ALG10B: variants seen among roughly 807,000 people sequenced by gnomAD.
ALG10B encodes dol-P-Glc:Glc(2)Man(9)GlcNAc(2)-PP-Dol alpha-1,2-glucosyltransferase B.
Under a neutral mutation model 38.7 loss-of-function variants are expected in ALG10B, and 27 were observed. That is an observed-to-expected ratio of 0.70 (90% CI 0.51 to 0.96). The LOEUF (loss-of-function observed/expected upper bound fraction) is 0.96. ALG10B is among the 40% of genes least tolerant of loss of function. ALG10B has a pLI of 0.00. For synonymous variants in ALG10B, 177 were observed against 193.3 expected (o/e 0.92, Z 0.70); for missense variants, 522 against 542.7 (o/e 0.96, Z 0.38).
At position 38,320,890 on chromosome 12, in the gene ALG10B, G is replaced by A; in HGVS notation, c.1099G>A (p.Ala367Thr). 1 of 1,613,690 alleles carries A rather than the reference G, an allele frequency of 6.2e-7. No homozygotes were observed. Among genetic ancestry groups the A allele is most frequent in the African/African-American group, 1.3e-5 (1 of 74,988 alleles). Residue 367 changes from alanine to threonine, a missense_variant, in exon 3 of 3, where the codon GCA becomes ACA. Transcript: ENST00000308742. The stretch of plus-strand genomic sequence containing the variant: ...GTGGAAAAGAGTTTTTCAAAGATAT[G>A]CAATTCTGAAATATTTGTTAGTTCC... ...YVWKRVFQRY[A>T]ILKYLLVPAY... is the part of the protein sequence containing the mutation.
rs776686327 is a variant in ALG10B at position 38,316,998 on chromosome 12, C to T, written c.105C>T (p.Tyr35=). ...SAFSRALREP[Y]MDEIFHLPQA... is the part of the protein sequence containing the mutation. ...TCAGCCGGGCGCTGCGAGAGCCCTA[C>T]ATGGACGAGATCTTCCACCTGCCTC... Residue 35 remains tyrosine, a synonymous_variant, in exon 1 of 3, where the codon TAC becomes TAT. Coordinates refer to ENST00000308742, the MANE Select transcript of ALG10B (RefSeq NM_001013620.4). 1.2e-6 allele frequency: 2 copies of T among 1,614,166 alleles called. No homozygotes were observed. The highest frequency in any genetic ancestry group is 1.7e-5 in the Admixed American group (1 of 60,028).
Position 38,327,873 on chromosome 12 carries a change from A to G in ALG10B, c.*6660A>G, listed in dbSNP as rs1338446570. 6 of 152,346 alleles carry G rather than the reference A, an allele frequency of 3.9e-5. No individual in the cohort carries two copies. The highest frequency in any genetic ancestry group is 1.2e-4 in the African/African-American group (5 of 41,578). The allele number at this position is 152,346 out of a possible 1,614,324, so 9.4% of individuals were successfully genotyped here. On this transcript the variant is annotated 3_prime_UTR_variant, in exon 3 of 3. Coordinates refer to ENST00000308742, the MANE Select transcript of ALG10B (RefSeq NM_001013620.4). ...ATTATGTGGGATATTTAATTTGGAT[A>G]AGTGGAAATTCTATCACTTGATAAG...
At chr12:38,318,971 G>A (rs1945679505) in intron 2 of ALG10B, among the ~76,000 whole-genome samples, 1 of 152,140 alleles carries the variant, frequency 6.6e-6, no homozygotes, top group Non-Finnish European at 1.5e-5. Flanking sequence ...AATAGAATCT[G>A]CCTTATAGAA....
rs773478474 is a variant in ALG10B at position 38,321,117 on chromosome 12, T to C, written c.1326T>C (p.Ser442=). 6.2e-6 allele frequency: 10 copies of C among 1,613,782 alleles called. No homozygotes were observed. The highest frequency in any genetic ancestry group is 2.2e-5 in the East Asian group (1 of 44,842). ...CATCCAGACTTGTTTGTGAACTGAGTTGCTATGCAATTGTTAATTTCATAA... is the reference window on the plus strand; with the variant it reads ...CATCCAGACTTGTTTGTGAACTGAGCTGCTATGCAATTGTTAATTTCATAA... ...PPTSRLVCEL[S]CYAIVNFITF... is the part of the protein sequence containing the mutation. The change falls in exon 3 of 3, where the codon AGT becomes AGC. Residue 442 remains serine, a synonymous_variant. Coordinates refer to ENST00000308742, the MANE Select transcript of ALG10B (RefSeq NM_001013620.4).
At position 38,317,414 on chromosome 12, in the gene ALG10B, C is replaced by A. The variant is rs183779790; in HGVS notation, c.171+350C>A. 82 of 312,222 alleles carry A rather than the reference C, an allele frequency of 2.6e-4. 1 individual carries two copies. The highest frequency in any genetic ancestry group is 1.6e-3 in the African/African-American group (77 of 46,902). 19.3% of individuals were successfully genotyped at this position (312,222 alleles called of 1,614,324 possible). On this transcript the variant is annotated intron_variant, in intron 1 of 2. Transcript: ENST00000308742. ...TCCTTGGAAATATCAGAAAACTTCCCTTTAGCTCACCTGTTAAGCACCTCA... is the reference window on the plus strand; with the variant it reads ...TCCTTGGAAATATCAGAAAACTTCCATTTAGCTCACCTGTTAAGCACCTCA...
Position 38,323,900 on chromosome 12 carries a change from A to T in ALG10B, c.*2687A>T. 1 of 701,952 alleles carries T rather than the reference A, an allele frequency of 1.4e-6. No individual in the cohort carries two copies. The highest frequency in any genetic ancestry group is 2.6e-6 in the Non-Finnish European group (1 of 384,734). 43.5% of individuals were successfully genotyped at this position (701,952 alleles called of 1,614,324 possible). ...TTTGTCTGATAATATTAATGCAAGG[A>T]TTTTGTATTTAGGAATACTTCTGAG... On this transcript the variant is annotated 3_prime_UTR_variant, in exon 3 of 3. Transcript: ENST00000308742.
chr12:38,318,141 C>T, intron 1 of ALG10B, 120 bp from the exon 2 acceptor site: 1 of 1,315,094 alleles, frequency 7.6e-7, no homozygotes, highest in Non-Finnish European at 1.1e-6. Flanking sequence ...TTAATCTTGT[C>T]ATAGACTAAC....
Position 38,316,786 on chromosome 12 carries a change from G to C in ALG10B, c.-108G>C. On this transcript the variant is annotated 5_prime_UTR_variant, in exon 1 of 3. Transcript: ENST00000308742. ...TGCCTTCCGGTATGTGGCCCCGTCT[G>C]GCTAGTCCTGTCTAGCGCGCCCATT... The C allele has an allele frequency of 6.3e-7, 1 of 1,580,760 alleles. No individual in the cohort carries two copies. The highest frequency in any genetic ancestry group is 8.7e-7 in the Non-Finnish European group (1 of 1,152,410).
Position 38,320,235 on chromosome 12 carries a change from C to A in ALG10B, c.444C>A (p.Phe148Leu). The change falls in exon 3 of 3, where the codon TTC (phenylalanine) becomes TTA (leucine). Residue 148 changes from phenylalanine (F) to leucine (L), a missense_variant. By Grantham distance (22) the Phe-to-Leu change is conservative (BLOSUM62 0). Transcript: ENST00000308742. ...TTCCAACACTTTATTTTTTTAACTT[C>A]CTTTATTATACAGAAGCAGGATCTA... ...AVFPTLYFFNFLYYTEAGSMF... is the reference protein window; with the variant it reads ...AVFPTLYFFNLLYYTEAGSMF... 6.2e-7 allele frequency: 1 copy of A among 1,613,886 alleles called. No individual in the cohort carries two copies. The highest frequency in any genetic ancestry group is 8.5e-7 in the Non-Finnish European group (1 of 1,179,894).
In ALG10B at chr12:38,321,525, C is replaced by T. The variant is rs1039263961; in HGVS notation, c.*312C>T. 6.2e-5 allele frequency: 12 copies of T among 192,782 alleles called. No homozygotes were observed. The highest frequency in any genetic ancestry group is 1.2e-4 in the Non-Finnish European group (11 of 94,184). The allele number at this position is 192,782 out of a possible 1,614,324, so 11.9% of individuals were successfully genotyped here. On this transcript the variant is annotated 3_prime_UTR_variant, in exon 3 of 3. Coordinates refer to ENST00000308742, the MANE Select transcript of ALG10B (RefSeq NM_001013620.4). ...TTTTGTATGTATAAGTTTATTAAAACTGGGTATGCTTCATATTACTAGAAC... is the reference window on the plus strand; with the variant it reads ...TTTTGTATGTATAAGTTTATTAAAATTGGGTATGCTTCATATTACTAGAAC...
Position 38,318,411 on chromosome 12 carries a change from T to C in ALG10B, c.322T>C (p.Phe108Leu). Residue 108 changes from phenylalanine to leucine, a missense_variant, in exon 2 of 3, where the codon TTC (phenylalanine) becomes CTC (leucine). By Grantham distance (22) the Phe-to-Leu change is conservative. Coordinates refer to ENST00000308742, the MANE Select transcript of ALG10B (RefSeq NM_001013620.4). ...FVNLLFSVGN[F>L]YLLYLLFHKV... is the part of the protein sequence containing the mutation. ...TAATCTTCTCTTCAGTGTTGGCAAC[T>C]TCTATTTACTATATTTGCTTTTCCA... 6.2e-7 allele frequency: 1 copy of C among 1,614,164 alleles called. No homozygotes were observed. The highest frequency in any genetic ancestry group is 2.2e-5 in the East Asian group (1 of 44,874).
rs770964487 is a variant in ALG10B at position 38,320,593 on chromosome 12, G to A, written c.802G>A (p.Val268Ile). 2.0e-5 allele frequency: 32 copies of A among 1,613,960 alleles called. No individual in the cohort carries two copies. The highest frequency in any genetic ancestry group is 2.6e-5 in the Non-Finnish European group (31 of 1,179,992). The change falls in exon 3 of 3, where the codon GTA (valine) becomes ATA (isoleucine). Residue 268 changes from valine to isoleucine, a missense_variant. Val to Ile is a conservative substitution (Grantham distance 29). Coordinates refer to ENST00000308742, the MANE Select transcript of ALG10B (RefSeq NM_001013620.4). ...ILLGFLFCAF[V>I]VVNGGIVIGD... ...TCTGGGATTTCTGTTTTGTGCTTTT[G>A]TAGTAGTTAATGGTGGAATTGTTAT...
At position 38,324,223 on chromosome 12, in the gene ALG10B, G is replaced by T; in HGVS notation, c.*3010G>T. ...AATTTTTTCTATTTTTAGTAGAGCC[G>T]GGGTTTCACCGTGTTAGCCAGGCTG... is the stretch of plus-strand genomic sequence containing the variant. On this transcript the variant is annotated 3_prime_UTR_variant, in exon 3 of 3. Transcript: ENST00000308742. The T allele has an allele frequency of 3.1e-6, 1 of 317,464 alleles. No homozygotes were observed. The highest frequency in any genetic ancestry group is 5.8e-6 in the Non-Finnish European group (1 of 171,614). 19.7% of individuals were successfully genotyped at this position (317,464 alleles called of 1,614,324 possible).
chr12:38,318,395 C>T lies in ALG10B; in HGVS notation c.306C>T (p.Leu102=), dbSNP rs773865389. 1 of 1,614,150 alleles carries T rather than the reference C, an allele frequency of 6.2e-7. No homozygotes were observed. The highest frequency in any genetic ancestry group is 1.7e-5 in the Admixed American group (1 of 60,024). Residue 102 remains leucine (L), a synonymous_variant, in exon 2 of 3, where the codon CTC becomes CTT. Transcript: ENST00000308742. ...GGATGCTCAGATTTGTTAATCTTCT[C>T]TTCAGTGTTGGCAACTTCTATTTAC... The part of the protein sequence containing the change: ...SIGMLRFVNL[L]FSVGNFYLLY...
chr12:38,326,371 T>C lies in ALG10B; in HGVS notation c.*5158T>C, dbSNP rs940379099. 15 of 151,902 alleles carry C rather than the reference T, an allele frequency of 9.9e-5. No individual in the cohort carries two copies. Among genetic ancestry groups the C allele is most frequent in the African/African-American group, 3.1e-4 (13 of 41,386 alleles). The allele number at this position is 151,902 out of a possible 1,614,324, so 9.4% of individuals were successfully genotyped here. On this transcript the variant is annotated 3_prime_UTR_variant, in exon 3 of 3. Transcript: ENST00000308742. ...TTTACTTGTAAACATGTTGTTTCTTTGATAGGATATGATTTCAACATAATT... is the reference window on the plus strand; with the variant it reads ...TTTACTTGTAAACATGTTGTTTCTTCGATAGGATATGATTTCAACATAATT...
In ALG10B at chr12:38,318,257, A is replaced by T. The variant is rs368182821; in HGVS notation, c.172-4A>T. 5 of 1,609,200 alleles carry T rather than the reference A, an allele frequency of 3.1e-6. No homozygotes were observed. Among genetic ancestry groups the T allele is most frequent in the Middle Eastern group, 1.7e-4 (1 of 6,056 alleles). ...CTTTTACTTCATTTTCTTTCATTTT[A>T]AAGTGGGATCCCATGATTACTACAT... is the stretch of plus-strand genomic sequence containing the variant. On this transcript the variant is annotated splice_region_variant and splice_polypyrimidine_tract_variant and intron_variant, in intron 1 of 2. Coordinates refer to ENST00000308742, the MANE Select transcript of ALG10B (RefSeq NM_001013620.4).
Position 38,324,696 on chromosome 12 carries a change from C to T in ALG10B, c.*3483C>T, listed in dbSNP as rs1380044056. 1 of 152,134 alleles carries T rather than the reference C, an allele frequency of 6.6e-6. No individual in the cohort carries two copies. The highest frequency in any genetic ancestry group is 1.5e-5 in the Non-Finnish European group (1 of 68,020). 9.4% of individuals were successfully genotyped at this position (152,134 alleles called of 1,614,324 possible). ...GCCTTTAGTCGTTCAAGAAATGATA[C>T]TAAACTCAAAGTCATTCACTTGAAA... is the stretch of plus-strand genomic sequence containing the variant. On this transcript the variant is annotated 3_prime_UTR_variant, in exon 3 of 3. Coordinates refer to ENST00000308742, the MANE Select transcript of ALG10B (RefSeq NM_001013620.4).
rs1383592986 is a variant in ALG10B, at chr12:38,324,026, C to A, written c.*2813C>A. 7 of 679,626 alleles carry A rather than the reference C, an allele frequency of 1.0e-5. No individual in the cohort carries two copies. Among genetic ancestry groups the A allele is most frequent in the African/African-American group, 7.2e-5 (4 of 55,640 alleles). The allele number at this position is 679,626 out of a possible 1,614,324, so 42.1% of individuals were successfully genotyped here. A position where few individuals can be genotyped will look rare whatever the true frequency, so the allele number is the denominator to read the frequency against. ...CTTTGGAGGGATCACTGTTCTATAT[C>A]TTTTTTTGTTTGTTTTTGTCTTTGA... On this transcript the variant is annotated 3_prime_UTR_variant, in exon 3 of 3. Coordinates refer to ENST00000308742, the MANE Select transcript of ALG10B (RefSeq NM_001013620.4).
At chr12:38,318,493 G>A in intron 2 of ALG10B, 35 bp downstream of exon 2, 2 of 1,570,844 alleles carry the variant, frequency 1.3e-6, no homozygotes, top group Non-Finnish European at 1.8e-6. Context: ...AAGTTTATGT[G>A]TAGTCAGGTC....
Sources: gnomAD v4.1 joint callset for allele counts (sites outside exome capture counted in the v4.1 genomes callset) on GRCh38, gnomAD v4.1.1 for gene constraint, MANE v1.5 for transcripts, NCBI Gene and HGNC (gene_info 2026-07-23, HGNC 2026-07-21) for gene names.